ADGRE3: variants seen among roughly 807,000 people sequenced by gnomAD.
ADGRE3 encodes adhesion G protein-coupled receptor E3.
In ADGRE3, 88 loss-of-function variants were observed where a neutral mutation model predicts 80.1. The ratio of observed to expected loss-of-function variants is 1.10; its 90% CI spans 0.93 to 1.31. ADGRE3 has a LOEUF of 1.31. ADGRE3 is among the 40% of genes most tolerant of loss of function. The probability of loss-of-function intolerance (pLI) is 0.00; values close to 1 mark genes in which losing one functional copy is unlikely to be tolerated. For synonymous variants in ADGRE3, 281 were observed against 294.8 expected (o/e 0.95, Z 0.48); for missense variants, 715 against 776.5 (o/e 0.92, Z 0.94).
the ADGRE3 span, among the ~76,000 whole-genome samples, chr19:14,608,654 GAC>G: frequency 1.6e-5 from 2 of 125,460 alleles, no homozygotes; most frequent in Admixed American, 1.7e-4. Flanking sequence ...TTTTTTTTGA[GAC>G]AGAGTCTCAC....
At chr19:14,641,675 T>G (rs1489371938) in intron 9 of ADGRE3, 59 bp from the exon 10 acceptor site, 33 of 1,582,026 alleles carry the variant, frequency 2.1e-5, no homozygotes, top group Non-Finnish European at 2.7e-5. Flanking sequence ...TATGGCTCCC[T>G]CCTTGAACTG....
At chr19:14,654,891 G>A in intron 6 of ADGRE3, 91 bp downstream of exon 6, 2 of 934,934 alleles carry the variant, frequency 2.1e-6, no homozygotes, top group Non-Finnish European at 3.3e-6. Context: ...GGACTCATGT[G>A]GTGTATTCAA....
intron 11 of ADGRE3, among the ~76,000 whole-genome samples, chr19:14,636,145 T>TCTTTCTTTCTTTCTTTCTTTCTTTCTTC (rs1971070357): frequency 9.0e-5 from 2 of 22,238 alleles, no homozygotes; most frequent in African/African-American, 2.4e-4. Context: ...TTTCTTTCTT[T>TCTTTCTTTCTTTCTTTCTTTCTTTCTTC]CTTTCTTCCT....
At chr19:14,669,813 G>T (rs1038665735) in intron 1 of ADGRE3, among the ~76,000 whole-genome samples, 1 of 151,946 alleles carries the variant, frequency 6.6e-6, no homozygotes, top group African/African-American at 2.4e-5. Context: ...TATTTTTTTG[G>T]GTAGATACCC....
At chr19:14,646,044 T>A (rs1317907817) in intron 8 of ADGRE3, among the ~76,000 whole-genome samples, 1 of 152,250 alleles carries the variant, frequency 6.6e-6, no homozygotes, top group Non-Finnish European at 1.5e-5. Context: ...CAACATAGTA[T>A]CTTTTAAATA....
chr19:14,658,276 T>C (rs548010556), intron 5 of ADGRE3, among the ~76,000 whole-genome samples: 4 of 150,818 alleles, frequency 2.7e-5, no homozygotes, highest in African/African-American at 9.7e-5. Flanking sequence ...ATGCATAATA[T>C]ATAATTGTAT....
Position 14,620,548 on chromosome 19 carries a change from T to TAATATATATATATATATATA in ADGRE3, c.1921-1078_1921-1077insTATATATATATATATATATT. ...TGAATATATATATTTTATATATATA[T>TAATATATATATATATATATA]TATATATATATATATATATATTTTT... On this transcript the variant is annotated intron_variant, in intron 15 of 15. Transcript: ENST00000253673. Among the ~76,000 whole-genome samples the TAATATATATATATATATATA allele has an allele frequency of 2.4e-3, 59 of 24,942 alleles. 6 individuals carry two copies. The highest frequency in any genetic ancestry group is 4.9e-3 in the African/African-American group (23 of 4,648). 16.4% of individuals were successfully genotyped at this position (24,942 alleles called of 152,430 possible). A position where few individuals can be genotyped will look rare whatever the true frequency, so the allele number is the denominator to read the frequency against.
In ADGRE3 at chr19:14,662,096, G is replaced by C. The variant is rs1971962246; in HGVS notation, c.222C>G (p.Pro74=). 1 of 1,614,052 alleles carries C rather than the reference G, an allele frequency of 6.2e-7. No individual in the cohort carries two copies. Among genetic ancestry groups the C allele is most frequent in the Non-Finnish European group, 8.5e-7 (1 of 1,179,934 alleles). ...CGTTAAATCCACAATATACACTATA[G>C]GGTGGTGTACATTCATTAATGTCTG... ...TCNDINECTP[P]YSVYCGFNAV... The change falls in exon 4 of 16, where the codon CCC becomes CCG. Residue 74 remains proline (P), a synonymous_variant. Coordinates refer to ENST00000253673, the MANE Select transcript of ADGRE3 (RefSeq NM_032571.5).
intron 14 of ADGRE3, among the ~76,000 whole-genome samples, chr19:14,628,360 T>C (rs545417791): frequency 1.2e-4 from 14 of 116,026 alleles, no homozygotes; most frequent in Admixed American, 4.4e-4. Flanking sequence ...AAGAATCGCT[T>C]GAACCTGGGA....
At chr19:14,639,945 G>C (rs1269703460) in intron 10 of ADGRE3, among the ~76,000 whole-genome samples, 1 of 152,104 alleles carries the variant, frequency 6.6e-6, no homozygotes, top group Non-Finnish European at 1.5e-5. Flanking sequence ...TTTCCGTCTA[G>C]CTGAAATTTG....
In ADGRE3 at chr19:14,665,240, T is replaced by G. The variant is rs982154591; in HGVS notation, c.77-1700A>C. Among the ~76,000 whole-genome samples the G allele has an allele frequency of 1.1e-4, 16 of 151,740 alleles. No homozygotes were observed. In the East Asian group the frequency reaches 3.1e-3, roughly 29 times the overall value. On this transcript the variant is annotated intron_variant, in intron 2 of 15. Coordinates refer to ENST00000253673, the MANE Select transcript of ADGRE3 (RefSeq NM_032571.5). Reference sequence around the variant, plus strand: ...CACCACGCCCGGCTAATTTTTGTATTTTTAGTAGAGGCGGGGGTTTCACGG... The same window carrying G: ...CACCACGCCCGGCTAATTTTTGTATGTTTAGTAGAGGCGGGGGTTTCACGG...
At chr19:14,622,170 A>G in intron 15 of ADGRE3, 1 of 1,026,676 alleles carries the variant, frequency 9.7e-7, no homozygotes, top group East Asian at 2.6e-5. Context: ...GGATCTGTAC[A>G]CTTACAGACA....
chr19:14,661,942 G>A (rs770523152), intron 4 of ADGRE3, 21 bp downstream of exon 4: 24 of 1,611,534 alleles, frequency 1.5e-5, no homozygotes, highest in Non-Finnish European at 2.0e-5. Flanking sequence ...AAGGAAGGCA[G>A]GAGGACAAAA....
intron 4 of ADGRE3, among the ~76,000 whole-genome samples, chr19:14,658,915 A>C (rs570157819): frequency 1.3e-5 from 2 of 151,758 alleles, no homozygotes; most frequent in Admixed American, 1.3e-4. Context: ...TTGTATTTTT[A>C]GTAGAGATGG....
At chr19:14,635,821 A>G (rs1423818616) in intron 11 of ADGRE3, among the ~76,000 whole-genome samples, 3 of 152,274 alleles carry the variant, frequency 2.0e-5, no homozygotes, top group Admixed American at 1.3e-4. Context: ...TTAAATAGGT[A>G]CAGCTTTTCC....
At chr19:14,647,415 T>C (rs747892992) in intron 7 of ADGRE3, 50 bp from the exon 8 acceptor site, 127 of 1,194,450 alleles carry the variant, frequency 1.1e-4, no homozygotes, top group Middle Eastern at 2.8e-4. Context: ...TCTTTCTTTT[T>C]TTTTTTTTTT....
chr19:14,650,859 A>C (rs1229267660), intron 7 of ADGRE3, among the ~76,000 whole-genome samples: 1 of 152,110 alleles, frequency 6.6e-6, no homozygotes, highest in Non-Finnish European at 1.5e-5. Flanking sequence ...CAGGCAGAAC[A>C]GCACTCCCCC....
At chr19:14,652,308 A>T (rs1013737214) in intron 6 of ADGRE3, among the ~76,000 whole-genome samples, 17 of 152,160 alleles carry the variant, frequency 1.1e-4, no homozygotes, top group Non-Finnish European at 2.2e-4. Flanking sequence ...AAGCTAAAAA[A>T]TGTTAAGCTC....
In ADGRE3 at chr19:14,644,224, G is replaced by T. The variant is rs192329346; in HGVS notation, c.934C>A (p.Gln312Lys). The T allele has an allele frequency of 3.5e-4, 562 of 1,603,006 alleles. 9 individuals carry two copies. In the East Asian group the frequency reaches 0.013, roughly 36 times the overall value. ...VFCVYWKSTG[Q>K]GSQWSRDGCF... ...CCATCCCTGGACCACTGGCTGCCCT[G>T]CCCTGTGCTCTTCCAGTAGACACAG... The change falls in exon 9 of 16, where the codon CAG becomes AAG. Residue 312 changes from glutamine (Q) to lysine (K), a missense_variant. By Grantham distance (53) the Gln-to-Lys change is moderately conservative (BLOSUM62 1). Transcript: ENST00000253673.
Sources: gnomAD v4.1 joint callset for allele counts (sites outside exome capture counted in the v4.1 genomes callset) on GRCh38, gnomAD v4.1.1 for gene constraint, MANE v1.5 for transcripts, NCBI Gene and HGNC (gene_info 2026-07-23, HGNC 2026-07-21) for gene names.